The following IFNL1 variants were observed in gnomAD, a reference collection of about 807,000 sequenced individuals.
The protein encoded by IFNL1 is interferon lambda 1, also known as interferon lambda-1.
A neutral mutation model predicts 17.1 loss-of-function variants in IFNL1; 16 were observed. The ratio of observed to expected loss-of-function variants is 0.93; its 90% confidence interval spans 0.63 to 1.42. IFNL1 has a LOEUF of 1.42. IFNL1 is among the 40% of genes most tolerant of loss of function. IFNL1 has a pLI of 0.00. For synonymous variants in IFNL1, 104 were observed against 111.4 expected (o/e 0.93, Z 0.42); for missense variants, 262 against 249.4 (o/e 1.05, Z -0.34).
At chr19:39,298,183 G>T (rs375441377) in intron 3 of IFNL1, 30 bp from the exon 4 acceptor site, 6 of 1,613,552 alleles carry the variant, frequency 3.7e-6, no homozygotes, top group Non-Finnish European at 8.5e-7. Context: ...CCCAGGCTCC[G>T]CCTCACACAC....
chr19:39,296,697 C>T, intron 1 of IFNL1, 105 bp downstream of exon 1: 15 of 1,482,236 alleles, frequency 1.0e-5, no homozygotes, highest in African/African-American at 1.4e-5. Context: ...AACCTCTATC[C>T]TTTCTGCACT....
chr19:39,296,946 C>A, intron 2 of IFNL1, 64 bp downstream of exon 2: 3 of 1,220,456 alleles, frequency 2.5e-6, no homozygotes, highest in South Asian at 1.2e-5. Flanking sequence ...TCTTAAGTGG[C>A]CCCTTAGCCT....
In IFNL1 at chr19:39,298,512, C is replaced by A; in HGVS notation, c.599C>A (p.Thr200Asn). Residue 200 changes from threonine (T) to asparagine (N), a missense_variant, in exon 5 of 5, where the codon ACC becomes AAC. Coordinates refer to ENST00000333625, the MANE Select transcript of IFNL1 (RefSeq NM_172140.2). ...AGAACGTCAACCCACCCTGAGTCCA[C>A]CTGACACCCCACACCTTATTTATGC... ...CLRTSTHPES[T>N] 6.2e-7 allele frequency: 1 copy of A among 1,614,184 alleles called. No homozygotes were observed. Among genetic ancestry groups the A allele is most frequent in the Non-Finnish European group, 8.5e-7 (1 of 1,180,018 alleles).
chr19:39,298,529 T>G lies in IFNL1; in HGVS notation c.*13T>G, dbSNP rs114936953. 6.3e-5 allele frequency: 102 copies of G among 1,614,042 alleles called. 1 individual carries two copies. The Admixed American group carries it at 1.3e-3, about 21-fold the overall frequency. ...TGAGTCCACCTGACACCCCACACCT[T>G]ATTTATGCGCTGAGCCCTACTCCTT... On this transcript the variant is annotated 3_prime_UTR_variant, in exon 5 of 5. Coordinates refer to ENST00000333625, the MANE Select transcript of IFNL1 (RefSeq NM_172140.2).
Position 39,297,600 on chromosome 19 carries a change from G to A in IFNL1, c.250-364G>A, listed in dbSNP as rs373869182. On this transcript the variant is annotated intron_variant, in intron 2 of 4. Coordinates refer to ENST00000333625, the MANE Select transcript of IFNL1 (RefSeq NM_172140.2). ...CTCCCAAAGTGCTGGGATTACAGGCGTGAGCCACCACACCCAGCCCTACCC... is the reference window on the plus strand; with the variant it reads ...CTCCCAAAGTGCTGGGATTACAGGCATGAGCCACCACACCCAGCCCTACCC... Among the ~76,000 whole-genome samples the A allele has an allele frequency of 6.6e-5, 10 of 152,062 alleles. 1 individual carries two copies. The highest frequency in any genetic ancestry group is 2.2e-4 in the African/African-American group (9 of 41,486).
intron 2 of IFNL1, among the ~76,000 whole-genome samples, chr19:39,297,161 C>T (rs765226593): frequency 2.6e-5 from 4 of 151,930 alleles, no homozygotes; most frequent in East Asian, 3.9e-4. Context: ...TCCAGTCTGT[C>T]GCCCACCTGT....
chr19:39,297,603 A>T (rs2075103865), intron 2 of IFNL1, among the ~76,000 whole-genome samples: 1 of 151,968 alleles, frequency 6.6e-6, no homozygotes, highest in Admixed American at 6.6e-5. Context: ...TACAGGCGTG[A>T]GCCACCACAC....
chr19:39,298,517 C>T lies in IFNL1; in HGVS notation c.*1C>T. The T allele has an allele frequency of 1.2e-6, 2 of 1,614,154 alleles. No individual in the cohort carries two copies. Among genetic ancestry groups the T allele is most frequent in the Non-Finnish European group, 8.5e-7 (1 of 1,179,984 alleles). On this transcript the variant is annotated 3_prime_UTR_variant, in exon 5 of 5. Transcript: ENST00000333625. ...GTCAACCCACCCTGAGTCCACCTGA[C>T]ACCCCACACCTTATTTATGCGCTGA...
chr19:39,298,352 C>A, intron 4 of IFNL1, 39 bp from the exon 5 acceptor site: 1 of 1,614,080 alleles, frequency 6.2e-7, no homozygotes, highest in Non-Finnish European at 8.5e-7. Context: ...GGAGCCCAGA[C>A]CCTGGACAGC....
intron 4 of IFNL1, 27 bp from the exon 5 acceptor site, chr19:39,298,364 C>G: frequency 6.2e-7 from 1 of 1,614,190 alleles, no homozygotes; most frequent in African/African-American, 1.3e-5. Context: ...CTGGACAGCC[C>G]CTGACCCATC....
rs1297224607 is a variant in IFNL1, at chr19:39,298,646, T to C, written c.*130T>C. ...TTTATTGTTTTACTTTTATACATTA[T>C]GCACAAATAAACAACAAGGAATTGG... On this transcript the variant is annotated 3_prime_UTR_variant, in exon 5 of 5. Coordinates refer to ENST00000333625, the MANE Select transcript of IFNL1 (RefSeq NM_172140.2). 6.1e-6 allele frequency: 7 copies of C among 1,146,248 alleles called. No homozygotes were observed. The highest frequency in any genetic ancestry group is 7.5e-6 in the Non-Finnish European group (6 of 795,436). The allele number at this position is 1,146,248 out of a possible 1,614,324, so 71.0% of individuals were successfully genotyped here. A position where few individuals can be genotyped will look rare whatever the true frequency, so the allele number is the denominator to read the frequency against.
Position 39,296,867 on chromosome 19 carries a change from C to T in IFNL1, c.234C>T (p.Asp78=). 1 of 1,613,930 alleles carries T rather than the reference C, an allele frequency of 6.2e-7. No homozygotes were observed. The highest frequency in any genetic ancestry group is 8.5e-7 in the Non-Finnish European group (1 of 1,179,818). The change falls in exon 2 of 5, where the codon GAC becomes GAT. Residue 78 remains aspartate, a synonymous_variant. Coordinates refer to ENST00000333625, the MANE Select transcript of IFNL1 (RefSeq NM_172140.2). ...CSSPVFPGNW[D]LRLLQVRERP... is the part of the protein sequence containing the mutation. ...CTCCTGTCTTCCCCGGGAATTGGGACCTGAGGCTTCTCCAGGTGAGCTGAA... is the reference window on the plus strand; with the variant it reads ...CTCCTGTCTTCCCCGGGAATTGGGATCTGAGGCTTCTCCAGGTGAGCTGAA...
At chr19:39,296,985 T>C in intron 2 of IFNL1, 103 bp downstream of exon 2, 1 of 829,692 alleles carries the variant, frequency 1.2e-6, no homozygotes, top group Non-Finnish European at 2.0e-6. Flanking sequence ...TTCACTCTCT[T>C]GGACCTCTCC....
intron 2 of IFNL1, among the ~76,000 whole-genome samples, chr19:39,297,722 C>T (rs1195508211): frequency 6.6e-6 from 1 of 151,604 alleles, no homozygotes; most frequent in Non-Finnish European, 1.5e-5. Context: ...TTCTGTGACC[C>T]CCGTAAGTCC....
chr19:39,298,050 C>T lies in IFNL1; in HGVS notation c.336C>T (p.Asp112=), dbSNP rs763254469. 12 of 1,614,192 alleles carry T rather than the reference C, an allele frequency of 7.4e-6. No individual in the cohort carries two copies. The highest frequency in any genetic ancestry group is 9.3e-6 in the Non-Finnish European group (11 of 1,180,042). The change falls in exon 3 of 5, where the codon GAC becomes GAT. Residue 112 remains aspartate, a synonymous_variant. Transcript: ENST00000333625. Reference sequence around the variant, plus strand: ...CCGCTGCTGGCCCAGCCCTGGAGGACGTCCTAGACCAGCCCCTTCACACCC... The same window carrying T: ...CCGCTGCTGGCCCAGCCCTGGAGGATGTCCTAGACCAGCCCCTTCACACCC... ...LEAAAGPALE[D]VLDQPLHTLH...
rs769203717 is a variant in IFNL1, at chr19:39,296,654, T to A, written c.171+62T>A. The stretch of plus-strand genomic sequence containing the variant: ...GGTGTCCCAATTACTGCCCTTCTAC[T>A]GTGGGCTAGCCTCTAGCCTTCCAAC... On this transcript the variant is annotated intron_variant, in intron 1 of 4. Coordinates refer to ENST00000333625, the MANE Select transcript of IFNL1 (RefSeq NM_172140.2). The A allele has an allele frequency of 8.7e-4, 1,339 of 1,535,370 alleles. 1 individual carries two copies. The highest frequency in any genetic ancestry group is 1.1e-3 in the Non-Finnish European group (1,274 of 1,123,096).
At chr19:39,297,002 G>T in intron 2 of IFNL1, 120 bp downstream of exon 2, 1 of 700,404 alleles carries the variant, frequency 1.4e-6, no homozygotes, top group Non-Finnish European at 2.5e-6. Flanking sequence ...CTCCTCACCT[G>T]TCCTGTGCCC....
intron 4 of IFNL1, 27 bp downstream of exon 4, chr19:39,298,323 A>G: frequency 6.2e-7 from 1 of 1,614,086 alleles, no homozygotes; most frequent in Non-Finnish European, 8.5e-7. Context: ...GAGAAGGACC[A>G]GGGTCTGGGG....
At chr19:39,297,749 A>G (rs1358759998) in intron 2 of IFNL1, among the ~76,000 whole-genome samples, 1 of 111,374 alleles carries the variant, frequency 9.0e-6, no homozygotes, top group African/African-American at 3.6e-5. Context: ...ATTTGTCTCC[A>G]TTTCACTTAT....
Sources: allele counts gnomAD v4.1 joint callset (sites outside exome capture counted in the v4.1 genomes callset), GRCh38; gene constraint gnomAD v4.1.1; transcripts MANE v1.5; gene names NCBI Gene and HGNC (gene_info 2026-07-23, HGNC 2026-07-21).